VDAC1: variants seen among roughly 807,000 people sequenced by gnomAD.
VDAC1 encodes non-selective voltage-gated ion channel VDAC1.
Under a neutral mutation model 34.7 loss-of-function variants are expected in VDAC1, and 10 were observed. That is an observed-to-expected ratio of 0.29 (90% CI 0.18 to 0.49). The LOEUF is 0.49. Ranked by LOEUF, VDAC1 falls within the 20% of genes least tolerant of loss-of-function variation. The pLI is 0.99. For missense variants in VDAC1, 230 were observed against 347.9 expected (o/e 0.66, Z 2.69); for synonymous variants, 130 against 136.0 (o/e 0.96, Z 0.30).
intron 5 of VDAC1, among the ~76,000 whole-genome samples, chr5:133,982,040 C>G (rs1157884195): frequency 6.6e-6 from 1 of 152,202 alleles, no homozygotes; most frequent in Admixed American, 6.5e-5. Context: ...GAAATGTACA[C>G]AGTAACCTAA....
chr5:134,102,167 G>C, the VDAC1 span, among the ~76,000 whole-genome samples: 1 of 151,992 alleles, frequency 6.6e-6, no homozygotes, highest in African/African-American at 2.4e-5. Flanking sequence ...CCAGCCACCA[G>C]GGGGGGTCTG....
At chr5:134,012,383 T>C in the VDAC1 span, among the ~76,000 whole-genome samples, 1 of 152,190 alleles carries the variant, frequency 6.6e-6, no homozygotes, top group Non-Finnish European at 1.5e-5. Flanking sequence ...ATATACAACC[T>C]CTAAAAGACA....
the VDAC1 span, among the ~76,000 whole-genome samples, chr5:134,059,319 C>T: frequency 2.0e-5 from 3 of 152,202 alleles, no homozygotes; most frequent in Non-Finnish European, 2.9e-5. Flanking sequence ...AGGAGAGAGG[C>T]TTGGACATGC....
chr5:134,027,001 C>T, the VDAC1 span, among the ~76,000 whole-genome samples: 1 of 152,166 alleles, frequency 6.6e-6, no homozygotes, highest in East Asian at 1.9e-4. Context: ...CTCCCAGGGG[C>T]ATTTGACAAT....
intron 7 of VDAC1, among the ~76,000 whole-genome samples, chr5:133,974,286 A>T (rs1262633110): frequency 2.6e-5 from 4 of 152,162 alleles, no homozygotes; most frequent in Non-Finnish European, 4.4e-5. Flanking sequence ...CCCCAAAGAG[A>T]TACAGCCGCC....
the VDAC1 span, among the ~76,000 whole-genome samples, chr5:134,086,758 G>A: frequency 2.0e-5 from 3 of 151,856 alleles, no homozygotes; most frequent in Non-Finnish European, 4.4e-5. Flanking sequence ...TCCAGTACAG[G>A]CAGCACAGAG....
rs757481942 is a variant in VDAC1, at chr5:133,990,963, C to T, written c.270+39G>A. The T allele has an allele frequency of 9.3e-6, 15 of 1,606,800 alleles. No homozygotes were observed. The African/African-American group carries it at 1.5e-4, about 16-fold the overall frequency. The stretch of plus-strand genomic sequence containing the variant: ...TAGTCACAAGGCAGGCTGGCAGATG[C>T]GAATTAATAAATCCACATCTTTTCA... On this transcript the variant is annotated intron_variant, in intron 4 of 8. Transcript: ENST00000265333.
At chr5:134,000,079 G>A (rs139406985) in intron 1 of VDAC1, among the ~76,000 whole-genome samples, 134 of 152,128 alleles carry the variant, frequency 8.8e-4, no homozygotes, top group African/African-American at 3.1e-3. Flanking sequence ...ACATGGGGGC[G>A]AACACAATCA....
At chr5:134,001,322 T>C (rs911148495) in intron 1 of VDAC1, among the ~76,000 whole-genome samples, 2 of 152,126 alleles carry the variant, frequency 1.3e-5, no homozygotes, top group East Asian at 3.9e-4. Context: ...GGGTATAGGG[T>C]GGTGAACTCA....
At chr5:134,112,695 T>C in the VDAC1 span, among the ~76,000 whole-genome samples, 2 of 152,178 alleles carry the variant, frequency 1.3e-5, no homozygotes, top group Non-Finnish European at 2.9e-5. Context: ...ACCATTTTAG[T>C]AAAGAAAGGA....
At chr5:133,991,519 T>G (rs1753104202) in intron 3 of VDAC1, among the ~76,000 whole-genome samples, 1 of 152,238 alleles carries the variant, frequency 6.6e-6, no homozygotes, top group South Asian at 2.1e-4. Context: ...CAACAATTAC[T>G]GCACACATAA....
chr5:134,002,401 G>A (rs13166891), intron 1 of VDAC1, among the ~76,000 whole-genome samples: 2 of 152,114 alleles, frequency 1.3e-5, no homozygotes, highest in Non-Finnish European at 2.9e-5. Flanking sequence ...GACAACCCCA[G>A]CACAAGCTGT....
chr5:133,981,218 T>C (rs994158868), intron 5 of VDAC1, among the ~76,000 whole-genome samples: 1 of 152,124 alleles, frequency 6.6e-6, no homozygotes, highest in African/African-American at 2.4e-5. Context: ...ACGAAGTAAC[T>C]TTCTTCTCCT....
intron 5 of VDAC1, chr5:133,989,122 A>G (rs1753007296): frequency 6.6e-6 from 1 of 152,230 alleles, no homozygotes; most frequent in South Asian, 2.1e-4. Flanking sequence ...TCTTCAGATC[A>G]TCTATAGCCA....
chr5:134,034,246 G>A, the VDAC1 span, among the ~76,000 whole-genome samples: 1 of 151,986 alleles, frequency 6.6e-6, no homozygotes, highest in Non-Finnish European at 1.5e-5. Context: ...GAAGAATATC[G>A]GCTAGCAATT....
At chr5:133,996,012 AC>A (rs1420962634) in intron 1 of VDAC1, among the ~76,000 whole-genome samples, 1 of 150,834 alleles carries the variant, frequency 6.6e-6, no homozygotes, top group African/African-American at 2.4e-5. Context: ...TGCAGCATCC[AC>A]CCCCCAGGGG....
chr5:133,989,590 C>T (rs1365825619), intron 5 of VDAC1, among the ~76,000 whole-genome samples: 1 of 151,926 alleles, frequency 6.6e-6, no homozygotes, highest in Non-Finnish European at 1.5e-5. Flanking sequence ...AAACTCCTGA[C>T]CTCAAGCAAT....
At chr5:134,103,997 G>A in the VDAC1 span, among the ~76,000 whole-genome samples, 3 of 152,156 alleles carry the variant, frequency 2.0e-5, no homozygotes, top group Non-Finnish European at 4.4e-5. Flanking sequence ...CAGATGCCAG[G>A]CACCAGCCCC....
the VDAC1 span, among the ~76,000 whole-genome samples, chr5:134,014,677 C>T: frequency 6.6e-6 from 1 of 152,076 alleles, no homozygotes; most frequent in Non-Finnish European, 1.5e-5. Context: ...ACCAGCCTAG[C>T]CAACATAGTG....
Sources: allele counts gnomAD v4.1 joint callset (sites outside exome capture counted in the v4.1 genomes callset), GRCh38; gene constraint gnomAD v4.1.1; transcripts MANE v1.5; gene names NCBI Gene and HGNC (gene_info 2026-07-23, HGNC 2026-07-21).